The following CSMD1 variants were observed in gnomAD, a reference collection of about 807,000 sequenced individuals.
CSMD1 encodes the protein CUB and Sushi multiple domains 1, also known as CUB and sushi domain-containing protein 1.
In CSMD1, 213 loss-of-function variants were observed where a neutral mutation model predicts 417.5. The ratio of observed to expected loss-of-function variants is 0.51; its 90% CI spans 0.46 to 0.57. The LOEUF (loss-of-function observed/expected upper bound fraction) is 0.57, where lower values mean the gene tolerates loss of function less well. Ranked by LOEUF, CSMD1 falls within the 20% of genes least tolerant of loss-of-function variation. The pLI is 0.00. For missense variants in CSMD1, 6,923 were observed against 4,529.7 expected, an observed-to-expected ratio of 1.53 and a Z score of -15.17; for synonymous variants, 2,862 against 1,736.8, an observed-to-expected ratio of 1.65 and a Z score of -16.11.
At chr8:3,327,372 A>T (rs1806601252) in intron 23 of CSMD1, among the ~76,000 whole-genome samples, 1 of 152,094 alleles carries the variant, frequency 6.6e-6, no homozygotes, top group Non-Finnish European at 1.5e-5. Flanking sequence ...TGACCTTGTG[A>T]TCTGCCCACC....
intron 1 of CSMD1, among the ~76,000 whole-genome samples, chr8:4,718,511 A>C (rs1019454296): frequency 1.3e-5 from 2 of 152,270 alleles, no homozygotes; most frequent in Middle Eastern, 3.4e-3. Context: ...CCCGCTGTCA[A>C]TTAATATTTT....
chr8:3,845,338 C>T (rs1287458826), intron 5 of CSMD1, among the ~76,000 whole-genome samples: 1 of 152,168 alleles, frequency 6.6e-6, no homozygotes, highest in Non-Finnish European at 1.5e-5. Context: ...CTCTACGATA[C>T]AGCATGTTGC....
Position 4,755,062 on chromosome 8 carries a change from C to T in CSMD1, c.86-117504G>A, listed in dbSNP as rs1257940310. 2.0e-5 allele frequency among the ~76,000 whole-genome samples: 3 copies of T among 152,058 alleles called. 1 individual carries two copies. The highest frequency in any genetic ancestry group is 7.2e-5 in the African/African-American group (3 of 41,404). On this transcript the variant is annotated intron_variant, in intron 1 of 69. Coordinates refer to ENST00000635120, the MANE Select transcript of CSMD1 (RefSeq NM_033225.6). ...CTGAGGCAGAAGAATTGCTTGAACC[C>T]GGGAGGCGGAAGTTGCAGTGAGCCG...
intron 5 of CSMD1, among the ~76,000 whole-genome samples, chr8:3,866,998 C>T (rs1193066445): frequency 1.3e-5 from 2 of 152,172 alleles, no homozygotes; most frequent in Non-Finnish European, 2.9e-5. Flanking sequence ...AGTGGTGAGT[C>T]AGCCAATATT....
At chr8:3,592,680 G>A (rs1275680084) in intron 8 of CSMD1, among the ~76,000 whole-genome samples, 1 of 149,782 alleles carries the variant, frequency 6.7e-6, no homozygotes, top group South Asian at 2.2e-4. Context: ...ACATCCGTGT[G>A]TGTGTGCACA....
At chr8:3,871,985 C>T (rs923285949) in intron 5 of CSMD1, among the ~76,000 whole-genome samples, 2 of 152,212 alleles carry the variant, frequency 1.3e-5, no homozygotes, top group Non-Finnish European at 2.9e-5. Context: ...CAAACCTGCA[C>T]TATTTCCTAT....
At chr8:4,061,665 C>T (rs570498149) in intron 3 of CSMD1, among the ~76,000 whole-genome samples, 2 of 152,260 alleles carry the variant, frequency 1.3e-5, no homozygotes, top group South Asian at 4.1e-4. Context: ...AAGACTGTTT[C>T]GTGATGGTGT....
intron 3 of CSMD1, among the ~76,000 whole-genome samples, chr8:4,087,317 G>T (rs1800471473): frequency 6.6e-6 from 1 of 152,092 alleles, no homozygotes; most frequent in African/African-American, 2.4e-5. Flanking sequence ...ATTTTCCAGG[G>T]ACCATTCACA....
chr8:3,070,246 T>G (rs1204565855), intron 49 of CSMD1, among the ~76,000 whole-genome samples: 1 of 152,242 alleles, frequency 6.6e-6, no homozygotes, highest in African/African-American at 2.4e-5. Flanking sequence ...TCCCTTTTAG[T>G]CATGTAAATT....
intron 5 of CSMD1, among the ~76,000 whole-genome samples, chr8:3,838,967 T>G (rs1359877725): frequency 2.0e-5 from 2 of 99,940 alleles, no homozygotes; most frequent in African/African-American, 4.5e-5. Context: ...TAAATTAATA[T>G]TATATATAAT....
chr8:4,125,692 G>A (rs190297123), intron 3 of CSMD1, among the ~76,000 whole-genome samples: 2 of 152,174 alleles, frequency 1.3e-5, no homozygotes, highest in South Asian at 4.1e-4. Context: ...TCATTCCTGG[G>A]CATAGGCTGA....
intron 1 of CSMD1, among the ~76,000 whole-genome samples, chr8:4,937,240 T>C (rs1008262614): frequency 1.3e-5 from 2 of 149,900 alleles, no homozygotes; most frequent in African/African-American, 4.9e-5. Flanking sequence ...AAAATTATTT[T>C]TTATAAATAT....
At chr8:4,384,967 A>G (rs78033823) in intron 3 of CSMD1, among the ~76,000 whole-genome samples, 1 of 152,052 alleles carries the variant, frequency 6.6e-6, no homozygotes, top group African/African-American at 2.4e-5. Context: ...GTCACCCAGG[A>G]TGGAGTGCAA....
intron 49 of CSMD1, among the ~76,000 whole-genome samples, chr8:3,083,272 T>C (rs937157735): frequency 6.6e-6 from 1 of 151,982 alleles, no homozygotes; most frequent in African/African-American, 2.4e-5. Context: ...AAGTGTCATA[T>C]ATCTCTGCTT....
intron 5 of CSMD1, among the ~76,000 whole-genome samples, chr8:3,864,100 G>C (rs1401047748): frequency 6.6e-6 from 1 of 152,000 alleles, no homozygotes; most frequent in African/African-American, 2.4e-5. Context: ...ATTTTCACCT[G>C]ATTTTTAAAG....
chr8:4,075,526 G>C (rs1195621500), intron 3 of CSMD1, among the ~76,000 whole-genome samples: 1 of 152,138 alleles, frequency 6.6e-6, no homozygotes, highest in African/African-American at 2.4e-5. Context: ...AACTAAAAAT[G>C]TCAGATATCC....
intron 26 of CSMD1, among the ~76,000 whole-genome samples, chr8:3,274,653 T>C (rs1186866142): frequency 6.6e-6 from 1 of 152,162 alleles, no homozygotes; most frequent in Admixed American, 6.5e-5. Flanking sequence ...TAGCCCTTCT[T>C]GTTGAATTGA....
intron 7 of CSMD1, among the ~76,000 whole-genome samples, chr8:3,672,025 T>A (rs188890356): frequency 6.6e-6 from 1 of 152,338 alleles, no homozygotes; most frequent in Admixed American, 6.5e-5. Context: ...CAGTAGGTTT[T>A]ATTTAAATGA....
chr8:4,653,750 T>G (rs908442086), intron 1 of CSMD1, among the ~76,000 whole-genome samples: 2 of 152,054 alleles, frequency 1.3e-5, no homozygotes, highest in Non-Finnish European at 2.9e-5. Context: ...TCAAACACAT[T>G]TGGTTGAAAC....
Sources: allele counts gnomAD v4.1 joint callset (sites outside exome capture counted in the v4.1 genomes callset), GRCh38; gene constraint gnomAD v4.1.1; transcripts MANE v1.5; gene names NCBI Gene and HGNC (gene_info 2026-07-23, HGNC 2026-07-21).